Variants in GK5 observed in about 807,000 individuals in gnomAD.
GK5 encodes glycerol kinase 5.
Under a neutral mutation model 77.3 loss-of-function variants are expected in GK5, and 39 were observed. The ratio of observed to expected loss-of-function variants is 0.50; its 90% CI spans 0.39 to 0.66. The LOEUF (loss-of-function observed/expected upper bound fraction) is 0.66, where lower values mean the gene tolerates loss of function less well. GK5 is among the 30% of genes least tolerant of loss of function. The probability of loss-of-function intolerance (pLI) is 0.00; values close to 1 mark genes in which losing one functional copy is unlikely to be tolerated. For missense variants in GK5, 487 were observed against 633.8 expected (o/e 0.77, Z 2.49); for synonymous variants, 211 against 208.0 (o/e 1.01, Z -0.13).
chr3:142,209,066 G>A (rs759924228), intron 3 of GK5, among the ~76,000 whole-genome samples: 12 of 151,976 alleles, frequency 7.9e-5, no homozygotes, highest in Middle Eastern at 3.4e-3. Context: ...GGAGAATGGC[G>A]TGAACTCGGG....
chr3:142,185,114 C>T (rs756954347), intron 9 of GK5: 16 of 985,260 alleles, frequency 1.6e-5, no homozygotes, highest in Non-Finnish European at 1.8e-5. Flanking sequence ...TGAAAGGACT[C>T]TTAAAAATCA....
chr3:142,197,135 C>T (rs1381154090), intron 5 of GK5, among the ~76,000 whole-genome samples: 5 of 151,570 alleles, frequency 3.3e-5, no homozygotes, highest in Admixed American at 6.6e-5. Context: ...CGCAGTGAGC[C>T]GAGAGCACGC....
In GK5 at chr3:142,157,677, TCC is replaced by T. The variant is rs1294043034; in HGVS notation, c.*7943_*7944del. ...TATTAGTATATGAAATTATCTTTTC[TCC>T]AGTTATTTATAATCTTTCTAAATAT... On this transcript the variant is annotated 3_prime_UTR_variant, in exon 16 of 16. Coordinates refer to ENST00000392993, the MANE Select transcript of GK5 (RefSeq NM_001039547.3). 1 of 152,236 alleles carries T rather than the reference TCC, an allele frequency of 6.6e-6. No homozygotes were observed. The highest frequency in any genetic ancestry group is 1.5e-5 in the Non-Finnish European group (1 of 68,032). The allele number at this position is 152,236 out of a possible 1,614,324, so 9.4% of individuals were successfully genotyped here. A position where few individuals can be genotyped will look rare whatever the true frequency, so the allele number is the denominator to read the frequency against.
intron 4 of GK5, among the ~76,000 whole-genome samples, chr3:142,200,212 G>A (rs941424704): frequency 6.6e-6 from 1 of 151,828 alleles, no homozygotes; most frequent in African/African-American, 2.4e-5. Context: ...TTTGCTTAGA[G>A]TGCTGGAGTG....
At position 142,189,554 on chromosome 3, in the gene GK5, G is replaced by A. The variant is rs552171218; in HGVS notation, c.544-1775C>T. The stretch of plus-strand genomic sequence containing the variant: ...TCAGTGAGTAGCACAATGCCTGACA[G>A]GTGGTAAATTCATCCATCTATTAAA... On this transcript the variant is annotated intron_variant, in intron 5 of 15. Transcript: ENST00000392993. Among the ~76,000 whole-genome samples the A allele has an allele frequency of 4.6e-5, 7 of 152,112 alleles. No individual in the cohort carries two copies. In the South Asian group the frequency reaches 8.3e-4, roughly 18 times the overall value.
chr3:142,171,504 T>A (rs1390808088), intron 13 of GK5, 26 bp from the exon 14 acceptor site: 2 of 1,346,834 alleles, frequency 1.5e-6, no homozygotes, highest in Admixed American at 5.3e-5. Flanking sequence ...GATAACTATT[T>A]ATAAGAAATT....
chr3:142,195,165 T>C (rs1426964335), intron 5 of GK5, among the ~76,000 whole-genome samples: 1 of 152,150 alleles, frequency 6.6e-6, no homozygotes, highest in East Asian at 1.9e-4. Context: ...ATGGTGTATA[T>C]TAATTTTCTA....
intron 15 of GK5, among the ~76,000 whole-genome samples, chr3:142,169,448 T>C (rs994119690): frequency 2.6e-4 from 39 of 152,206 alleles, no homozygotes; most frequent in African/African-American, 9.4e-4. Context: ...TTCCTGAGAA[T>C]GTTATTAGGT....
intron 11 of GK5, among the ~76,000 whole-genome samples, chr3:142,181,238 ATAGT>A (rs1158780527): frequency 2.6e-5 from 4 of 152,208 alleles, no homozygotes; most frequent in African/African-American, 2.4e-5. Flanking sequence ...AATATTTTAC[ATAGT>A]TAAACTTATT....
At position 142,194,834 on chromosome 3, in the gene GK5, CTCCT is replaced by C. The variant is rs574079915; in HGVS notation, c.543+3964_543+3967del. Among the ~76,000 whole-genome samples the C allele has an allele frequency of 3.7e-4, 55 of 150,378 alleles. 1 individual carries two copies. Among genetic ancestry groups the C allele is most frequent in the Middle Eastern group, 6.8e-3 (2 of 294 alleles). On this transcript the variant is annotated intron_variant, in intron 5 of 15. Transcript: ENST00000392993. ...CATCTGCATCATAGAGATAGTTTTACTCCTTCCTTTCCAATCTAGTTGCCTTTTA... is the reference window on the plus strand; with the variant it reads ...CATCTGCATCATAGAGATAGTTTTACTCCTTTCCAATCTAGTTGCCTTTTA...
intron 4 of GK5, among the ~76,000 whole-genome samples, chr3:142,199,680 T>C (rs1035168738): frequency 6.6e-6 from 1 of 151,162 alleles, no homozygotes; most frequent in African/African-American, 2.4e-5. Flanking sequence ...TGATCAAAGA[T>C]AAGACATAAG....
intron 4 of GK5, among the ~76,000 whole-genome samples, chr3:142,200,098 T>TACACACAC (rs202073717): frequency 6.0e-5 from 9 of 148,898 alleles, no homozygotes; most frequent in African/African-American, 2.2e-4. Context: ...TATATATATA[T>TACACACAC]ACACACACAC....
chr3:142,213,421 C>A, intron 3 of GK5, 105 bp downstream of exon 3: 1 of 763,326 alleles, frequency 1.3e-6, no homozygotes. Flanking sequence ...CCAAACGAAA[C>A]TATTCTCAAT....
At chr3:142,218,326 A>C (rs2064300687) in intron 1 of GK5, among the ~76,000 whole-genome samples, 1 of 149,718 alleles carries the variant, frequency 6.7e-6, no homozygotes, top group South Asian at 2.1e-4. Context: ...TGAGCTCAGG[A>C]GTTCACAACC....
At chr3:142,199,394 ATCTATAT>A (rs747228890) in intron 4 of GK5, among the ~76,000 whole-genome samples, 5 of 152,154 alleles carry the variant, frequency 3.3e-5, no homozygotes, top group Non-Finnish European at 7.4e-5. Flanking sequence ...TAGTAATAAC[ATCTATAT>A]AAAGTTATCA....
chr3:142,225,263 AG>A, intron 1 of GK5, 45 bp downstream of exon 1: 2 of 1,489,156 alleles, frequency 1.3e-6, no homozygotes, highest in Non-Finnish European at 1.8e-6. Flanking sequence ...CCCGGGACTC[AG>A]CGAAACCCAG....
chr3:142,185,977 T>A lies in GK5; in HGVS notation c.768A>T (p.Gly256=), dbSNP rs1269986089. The A allele has an allele frequency of 5.0e-6, 8 of 1,607,506 alleles. No homozygotes were observed. Among genetic ancestry groups the A allele is most frequent in the Non-Finnish European group, 6.8e-6 (8 of 1,176,616 alleles). ...CACCAAATATCTCTTCATCCACTGATCCAAAATTGTGGCTTCAAATAAAAT... is the reference window on the plus strand; with the variant it reads ...CACCAAATATCTCTTCATCCACTGAACCAAAATTGTGGCTTCAAATAAAAT... ...PPVRDTSHNF[G]SVDEEIFGVP... Residue 256 remains glycine, a synonymous_variant, in exon 9 of 16, where the codon GGA becomes GGT. Transcript: ENST00000392993.
Position 142,198,825 on chromosome 3 carries a change from A to C in GK5, c.520T>G (p.Trp174Gly). ...TTQQTSLRLV[W>G]ILQNLTEVQK... is the part of the protein sequence containing the mutation. ...ACCTCAGTCAAGTTCTGTAAAATCC[A>C]GACCAATCTCAAAGAAGTCTGCTGG... Residue 174 changes from tryptophan to glycine, a missense_variant, in exon 5 of 16, where the codon TGG (tryptophan) becomes GGG (glycine). Physicochemically the swap from Trp to Gly is radical, Grantham distance 184. This residue lies in a region of GK5 where 323 missense variants were observed against 437.4 expected (regional missense o/e 0.74). Coordinates refer to ENST00000392993, the MANE Select transcript of GK5 (RefSeq NM_001039547.3). 6.2e-7 allele frequency: 1 copy of C among 1,612,468 alleles called. No individual in the cohort carries two copies. Among genetic ancestry groups the C allele is most frequent in the Non-Finnish European group, 8.5e-7 (1 of 1,179,366 alleles).
At chr3:142,215,067 G>GC (rs1392611616) in intron 2 of GK5, among the ~76,000 whole-genome samples, 4 of 152,176 alleles carry the variant, frequency 2.6e-5, no homozygotes, top group Non-Finnish European at 4.4e-5. Context: ...TCTTTGCCAT[G>GC]TTCTCAAGCA....
Sources: gnomAD v4.1 joint callset for allele counts (sites outside exome capture counted in the v4.1 genomes callset) on GRCh38, gnomAD v4.1.1 for gene constraint, gnomAD v4.1.1 regional missense constraint, MANE v1.5 for transcripts, NCBI Gene and HGNC (gene_info 2026-07-23, HGNC 2026-07-21) for gene names.